Variants in GABRB2 observed in about 807,000 individuals in gnomAD.
GABRB2 encodes gamma-aminobutyric acid type A receptor subunit beta2, also known as gamma-aminobutyric acid receptor subunit beta-2.
In GABRB2, 16 loss-of-function variants were observed where a neutral mutation model predicts 54.7. That is an observed-to-expected ratio of 0.29 (90% CI 0.20 to 0.44). The LOEUF (loss-of-function observed/expected upper bound fraction) is 0.44. GABRB2 is among the 20% of genes least tolerant of loss of function. The pLI is 1.00. For missense variants in GABRB2, 355 were observed against 644.0 expected (o/e 0.55, Z 4.86); for synonymous variants, 244 against 233.8 (o/e 1.04, Z -0.40).
chr5:161,522,421 T>C (rs957426666), intron 3 of GABRB2, among the ~76,000 whole-genome samples: 2 of 151,782 alleles, frequency 1.3e-5, no homozygotes, highest in Non-Finnish European at 3.0e-5. Flanking sequence ...AGCAATGCAC[T>C]TATTCTGAAA....
At chr5:161,360,887 A>G (rs1452139011) in intron 5 of GABRB2, among the ~76,000 whole-genome samples, 1 of 152,118 alleles carries the variant, frequency 6.6e-6, no homozygotes, top group Non-Finnish European at 1.5e-5. Flanking sequence ...GGAAGAAAAA[A>G]AAAACAGAGA....
chr5:161,290,377 G>T lies in GABRB2; in HGVS notation c.*3704C>A, dbSNP rs1476519254. On this transcript the variant is annotated 3_prime_UTR_variant, in exon 10 of 10. Coordinates refer to ENST00000393959, the MANE Select transcript of GABRB2 (RefSeq NM_001371727.1). Reference sequence around the variant, plus strand: ...AAAAGAGAGCAATTAGACAAGCAATGTGACAACTACTTAACTTCTGATGTT... The same window carrying T: ...AAAAGAGAGCAATTAGACAAGCAATTTGACAACTACTTAACTTCTGATGTT... 6.6e-6 allele frequency: 1 copy of T among 152,400 alleles called. No individual in the cohort carries two copies. The highest frequency in any genetic ancestry group is 2.4e-5 in the African/African-American group (1 of 41,390). 9.4% of individuals were successfully genotyped at this position (152,400 alleles called of 1,614,324 possible).
intron 3 of GABRB2, among the ~76,000 whole-genome samples, chr5:161,538,807 C>G (rs561956118): frequency 6.6e-6 from 1 of 150,662 alleles, no homozygotes. Flanking sequence ...GGCAACAAAG[C>G]GAGACAACTG....
intron 3 of GABRB2, among the ~76,000 whole-genome samples, chr5:161,477,377 C>A (rs1473075531): frequency 6.6e-6 from 1 of 150,986 alleles, no homozygotes; most frequent in Non-Finnish European, 1.5e-5. Context: ...AATGGTGCAG[C>A]TGCTTTGGAA....
At chr5:161,411,856 T>C (rs1214100515) in intron 4 of GABRB2, among the ~76,000 whole-genome samples, 1 of 152,084 alleles carries the variant, frequency 6.6e-6, no homozygotes, top group Non-Finnish European at 1.5e-5. Context: ...TGTTTTCTGA[T>C]TAATGAGGCA....
At chr5:161,541,517 T>C (rs999779761) in intron 3 of GABRB2, among the ~76,000 whole-genome samples, 4 of 152,222 alleles carry the variant, frequency 2.6e-5, no homozygotes, top group Non-Finnish European at 5.9e-5. Context: ...TCTTCACTGA[T>C]TACCTTGCAT....
At position 161,544,501 on chromosome 5, in the gene GABRB2, G is replaced by C. The variant is rs557819006; in HGVS notation, c.237+726C>G. Among the ~76,000 whole-genome samples the C allele has an allele frequency of 2.6e-5, 4 of 152,308 alleles. No homozygotes were observed. In the South Asian group the frequency reaches 8.3e-4, roughly 32 times the overall value. On this transcript the variant is annotated intron_variant, in intron 3 of 9. Transcript: ENST00000393959. Reference sequence around the variant, plus strand: ...CAAACCCCCCAACACGTGTTTCCTAGTTGGGAACACAGGCTTTTTCCTCTT... The same window carrying C: ...CAAACCCCCCAACACGTGTTTCCTACTTGGGAACACAGGCTTTTTCCTCTT...
At chr5:161,456,479 C>A (rs982858029) in intron 4 of GABRB2, among the ~76,000 whole-genome samples, 1 of 152,140 alleles carries the variant, frequency 6.6e-6, no homozygotes, top group African/African-American at 2.4e-5. Context: ...TTGTTCCCTG[C>A]ATGCTCTCAG....
intron 3 of GABRB2, among the ~76,000 whole-genome samples, chr5:161,488,922 G>T (rs1303410027): frequency 6.6e-6 from 1 of 151,726 alleles, no homozygotes; most frequent in Non-Finnish European, 1.5e-5. Flanking sequence ...ATGTTGCAAA[G>T]ATCATGATTT....
chr5:161,404,095 C>T (rs1756280570), intron 5 of GABRB2, among the ~76,000 whole-genome samples: 2 of 152,066 alleles, frequency 1.3e-5, no homozygotes, highest in Non-Finnish European at 2.9e-5. Context: ...AGTCCAGATA[C>T]ACGTCAAGGT....
chr5:161,500,026 A>C (rs936748890), intron 3 of GABRB2, among the ~76,000 whole-genome samples: 2 of 152,206 alleles, frequency 1.3e-5, no homozygotes, highest in African/African-American at 4.8e-5. Flanking sequence ...TCAGGATGTA[A>C]GTTCCATGAA....
intron 4 of GABRB2, among the ~76,000 whole-genome samples, chr5:161,438,843 A>G (rs1313619137): frequency 5.3e-5 from 8 of 152,120 alleles, no homozygotes; most frequent in Non-Finnish European, 1.0e-4. Flanking sequence ...CTCTTTGAAA[A>G]TACATAATCA....
At chr5:161,360,155 C>A (rs994105118) in intron 5 of GABRB2, among the ~76,000 whole-genome samples, 1 of 151,978 alleles carries the variant, frequency 6.6e-6, no homozygotes, top group East Asian at 1.9e-4. Flanking sequence ...AATGACAAAT[C>A]CTGTAGCACT....
chr5:161,541,792 C>T (rs1026738977), intron 3 of GABRB2, among the ~76,000 whole-genome samples: 2 of 152,182 alleles, frequency 1.3e-5, no homozygotes, highest in African/African-American at 4.8e-5. Context: ...CATCAGTAAG[C>T]CTTTTCCATT....
At chr5:161,472,079 G>C (rs2113299881) in intron 3 of GABRB2, among the ~76,000 whole-genome samples, 1 of 151,930 alleles carries the variant, frequency 6.6e-6, no homozygotes, top group East Asian at 1.9e-4. Flanking sequence ...GTTTCTATGA[G>C]TAAATAAATT....
At chr5:161,402,129 T>G (rs1756215765) in intron 5 of GABRB2, among the ~76,000 whole-genome samples, 1 of 151,872 alleles carries the variant, frequency 6.6e-6, no homozygotes, top group Non-Finnish European at 1.5e-5. Flanking sequence ...ATGGTTGTAT[T>G]TAATGATACA....
chr5:161,448,367 G>A (rs1757694909), intron 4 of GABRB2, among the ~76,000 whole-genome samples: 1 of 152,222 alleles, frequency 6.6e-6, no homozygotes, highest in African/African-American at 2.4e-5. Flanking sequence ...AAGCTGCTCT[G>A]AACTATGAGA....
In GABRB2 at chr5:161,290,408, G is replaced by A. The variant is rs1423975747; in HGVS notation, c.*3673C>T. 6.6e-6 allele frequency: 1 copy of A among 152,470 alleles called. No individual in the cohort carries two copies. The highest frequency in any genetic ancestry group is 2.4e-5 in the African/African-American group (1 of 41,396). The allele number at this position is 152,470 out of a possible 1,614,324, so 9.4% of individuals were successfully genotyped here. ...ACTACTTAACTTCTGATGTTCTGGG[G>A]TACAGTACTATTGTCGAGTTGAACT... On this transcript the variant is annotated 3_prime_UTR_variant, in exon 10 of 10. Transcript: ENST00000393959.
chr5:161,442,592 T>TGCTGTAATGCTGAGCAGC (rs1757499500), intron 4 of GABRB2, among the ~76,000 whole-genome samples: 1 of 152,190 alleles, frequency 6.6e-6, no homozygotes, highest in African/African-American at 2.4e-5. Flanking sequence ...GCAATATGCC[T>TGCTGTAATGCTGAGCAGC]GCTGTAATGC....
Sources: allele counts gnomAD v4.1 joint callset (sites outside exome capture counted in the v4.1 genomes callset), GRCh38; gene constraint gnomAD v4.1.1; transcripts MANE v1.5; gene names NCBI Gene and HGNC (gene_info 2026-07-23, HGNC 2026-07-21).